Variants in AGAP1 observed in about 807,000 individuals in gnomAD.
AGAP1 encodes arf-GAP with GTPase, ANK repeat and PH domain-containing protein 1.
Under a neutral mutation model 105.3 loss-of-function variants are expected in AGAP1, and 29 were observed. The observed-to-expected ratio is 0.28, with a 90% CI of 0.21 to 0.38. AGAP1 has a LOEUF of 0.38. AGAP1 is among the 10% of genes least tolerant of loss of function. The pLI is 1.00. For missense variants in AGAP1, 998 were observed against 1,165.1 expected (o/e 0.86, Z 2.09); for synonymous variants, 509 against 485.9 (o/e 1.05, Z -0.63).
intron 1 of AGAP1, among the ~76,000 whole-genome samples, chr2:235,704,100 C>G (rs10197271): frequency 0.076 from 11,637 of 152,288 alleles, 1,461 homozygotes; most frequent in African/African-American, 0.26. Flanking sequence ...TCCTCTTGAT[C>G]TCCCATGGAC....
At chr2:235,809,119 A>G (rs1037455592) in intron 9 of AGAP1, among the ~76,000 whole-genome samples, 1 of 151,788 alleles carries the variant, frequency 6.6e-6, no homozygotes, top group Non-Finnish European at 1.5e-5. Context: ...TTTGGGTGGG[A>G]GCGCTCACCA....
At chr2:235,835,468 A>C (rs1039083585) in intron 9 of AGAP1, among the ~76,000 whole-genome samples, 4 of 152,158 alleles carry the variant, frequency 2.6e-5, no homozygotes, top group African/African-American at 9.7e-5. Context: ...ATCTTTTCAG[A>C]TGTTGCTCAT....
At chr2:235,746,377 C>CTTTGTT (rs1952938874) in intron 5 of AGAP1, among the ~76,000 whole-genome samples, 1 of 55,546 alleles carries the variant, frequency 1.8e-5, no homozygotes, top group Non-Finnish European at 3.0e-5. Flanking sequence ...CCTCCCCCAA[C>CTTTGTT]TTTTTTTTTT....
intron 1 of AGAP1, among the ~76,000 whole-genome samples, chr2:235,554,925 C>G (rs973704749): frequency 6.6e-6 from 1 of 152,180 alleles, no homozygotes; most frequent in East Asian, 1.9e-4. Flanking sequence ...CTGCCTTGGC[C>G]TCCCAAATTG....
chr2:235,941,312 T>A (rs1334217408), intron 12 of AGAP1, among the ~76,000 whole-genome samples: 2 of 152,214 alleles, frequency 1.3e-5, no homozygotes, highest in Non-Finnish European at 2.9e-5. Flanking sequence ...GTAGATTAGA[T>A]ACATTTCACA....
intron 1 of AGAP1, among the ~76,000 whole-genome samples, chr2:235,590,351 A>G (rs761817581): frequency 6.6e-6 from 1 of 152,192 alleles, no homozygotes; most frequent in Non-Finnish European, 1.5e-5. Flanking sequence ...CTATCCTTTT[A>G]TGCCAGATGC....
rs759502047 is a variant in AGAP1, at chr2:235,740,212, A to G, written c.311-751A>G. Among the ~76,000 whole-genome samples, 10 of 152,008 alleles carry G rather than the reference A, an allele frequency of 6.6e-5. No individual in the cohort carries two copies. The Middle Eastern group carries it at 0.014, about 207-fold the overall frequency. On this transcript the variant is annotated intron_variant, in intron 3 of 17. Transcript: ENST00000304032. This position sits in a 1 kb window ranked among gnomAD's most constrained non-coding sequence, Gnocchi z 5.7. ...CTGGGCACTGCAGCAACCTTGTACC[A>G]TCCCCTCCTGAGAGCATCAGGGGCC...
At chr2:235,672,314 G>A (rs1324334962) in intron 1 of AGAP1, among the ~76,000 whole-genome samples, 4 of 152,218 alleles carry the variant, frequency 2.6e-5, no homozygotes, top group Non-Finnish European at 5.9e-5. Flanking sequence ...GTTCTAATAT[G>A]CTCCTAATGA....
At chr2:235,606,909 C>T (rs938160159) in intron 1 of AGAP1, among the ~76,000 whole-genome samples, 2 of 144,490 alleles carry the variant, frequency 1.4e-5, no homozygotes, top group African/African-American at 5.2e-5. Flanking sequence ...CCACTGCACT[C>T]CAGCCTGATG....
chr2:235,585,857 C>T (rs112013959), intron 1 of AGAP1, among the ~76,000 whole-genome samples: 19 of 152,128 alleles, frequency 1.2e-4, no homozygotes, highest in African/African-American at 2.7e-4. Context: ...AAGGCTGTCT[C>T]GTCCTTTCTG....
chr2:235,602,209 A>T (rs1453760543), intron 1 of AGAP1, among the ~76,000 whole-genome samples: 2 of 152,208 alleles, frequency 1.3e-5, no homozygotes, highest in Non-Finnish European at 2.9e-5. Flanking sequence ...TATGAAATTC[A>T]TATTTCAGCG....
chr2:235,694,742 G>A (rs762509616), intron 1 of AGAP1, among the ~76,000 whole-genome samples: 20 of 152,114 alleles, frequency 1.3e-4, no homozygotes, highest in South Asian at 4.2e-4. Context: ...GGCACCTTTC[G>A]GGGCAAGTCC....
intron 9 of AGAP1, among the ~76,000 whole-genome samples, chr2:235,873,124 G>C (rs79799083): frequency 0.023 from 3,500 of 152,280 alleles, 125 homozygotes; most frequent in African/African-American, 0.08. Flanking sequence ...CCCCAGGTGG[G>C]GATCATGCAA....
At chr2:236,019,155 A>T (rs1045308769) in intron 13 of AGAP1, among the ~76,000 whole-genome samples, 3 of 152,202 alleles carry the variant, frequency 2.0e-5, no homozygotes, top group African/African-American at 7.2e-5. Flanking sequence ...ACAGGCCCAC[A>T]TCTGAGAATG....
At chr2:235,722,979 G>C (rs1480746899) in intron 3 of AGAP1, among the ~76,000 whole-genome samples, 2 of 152,196 alleles carry the variant, frequency 1.3e-5, no homozygotes, top group Non-Finnish European at 2.9e-5. Flanking sequence ...AAGCTGTCCT[G>C]GTTGGCAGGT....
chr2:235,618,366 T>C (rs1391850190), intron 1 of AGAP1, among the ~76,000 whole-genome samples: 1 of 152,172 alleles, frequency 6.6e-6, no homozygotes, highest in African/African-American at 2.4e-5. Flanking sequence ...AGAGTGAATG[T>C]GACTAGGTTC....
intron 1 of AGAP1, chr2:235,670,847 G>C (rs1380033715): frequency 7.1e-7 from 1 of 1,405,406 alleles, no homozygotes; most frequent in Admixed American, 2.9e-5. Flanking sequence ...GCTGGAGCGC[G>C]CGCGGGCGGC....
Position 235,867,749 on chromosome 2 carries a change from C to T in AGAP1, c.1051-15596C>T, listed in dbSNP as rs2049251749. 6.6e-6 allele frequency among the ~76,000 whole-genome samples: 1 copy of T among 152,058 alleles called. No individual in the cohort carries two copies. ...ACGGAAAAGTGGGATGTCAGGGGAGCCTCAGCAGGGGCATCACCTGGATGT... is the reference window on the plus strand; with the variant it reads ...ACGGAAAAGTGGGATGTCAGGGGAGTCTCAGCAGGGGCATCACCTGGATGT... On this transcript the variant is annotated intron_variant, in intron 9 of 17. Transcript: ENST00000304032. The surrounding 1 kb of genome is among the most constrained non-coding windows in gnomAD (Gnocchi z 5.4).
intron 9 of AGAP1, among the ~76,000 whole-genome samples, chr2:235,835,725 G>A (rs1200299980): frequency 6.6e-6 from 1 of 152,198 alleles, no homozygotes; most frequent in Non-Finnish European, 1.5e-5. Flanking sequence ...TGTCTCCATT[G>A]CAAAAAGTTT....
Sources: gnomAD v4.1 joint callset for allele counts (sites outside exome capture counted in the v4.1 genomes callset) on GRCh38, gnomAD v4.1.1 for gene constraint, Gnocchi (gnomAD v3.1) non-coding constraint, MANE v1.5 for transcripts, NCBI Gene and HGNC (gene_info 2026-07-23, HGNC 2026-07-21) for gene names.